The following DST variants were observed in gnomAD, a reference collection of about 807,000 sequenced individuals.
The protein encoded by DST is bullous pemphigoid antigen.
DST carries 253 observed loss-of-function variants against 875.2 expected under a neutral mutation model. The ratio of observed to expected loss-of-function variants is 0.29; its 90% CI spans 0.26 to 0.32. The LOEUF (loss-of-function observed/expected upper bound fraction) is 0.32. Ranked by LOEUF, DST falls within the 10% of genes least tolerant of loss-of-function variation. The pLI is 1.00. For synonymous variants in DST, 3,124 were observed against 3,197.1 expected (o/e 0.98, Z 0.77); for missense variants, 8,287 against 9,111.6 (o/e 0.91, Z 3.68).
chr6:56,830,759 T>C (rs2099786002), intron 4 of DST, among the ~76,000 whole-genome samples: 1 of 152,226 alleles, frequency 6.6e-6, no homozygotes, highest in Non-Finnish European at 1.5e-5. Context: ...AGGTAAGCCA[T>C]ACTTCTTCCT....
At chr6:56,696,858 A>G (rs1323010525) in intron 9 of DST, among the ~76,000 whole-genome samples, 1 of 152,130 alleles carries the variant, frequency 6.6e-6, no homozygotes, top group Non-Finnish European at 1.5e-5. Context: ...CCTCAGCAGA[A>G]TCTTTTCCCG....
At chr6:56,540,533 C>T (rs566618002) in intron 61 of DST, 1 of 152,766 alleles carries the variant, frequency 6.5e-6, no homozygotes, top group East Asian at 1.9e-4. Context: ...ATCACTCTCC[C>T]CTAGATCTGT....
At chr6:56,741,487 A>T (rs1218510277) in intron 4 of DST, among the ~76,000 whole-genome samples, 1 of 152,220 alleles carries the variant, frequency 6.6e-6, no homozygotes, top group Non-Finnish European at 1.5e-5. Context: ...AGGCTTCCAC[A>T]ATGCTACAGG....
intron 4 of DST, among the ~76,000 whole-genome samples, chr6:56,778,542 C>G (rs2099684615): frequency 1.7e-5 from 2 of 115,316 alleles, no homozygotes. Context: ...CCTCCCCCCA[C>G]CCCACAACAG....
intron 15 of DST, among the ~76,000 whole-genome samples, chr6:56,644,066 T>C (rs1376988245): frequency 6.6e-6 from 1 of 152,198 alleles, no homozygotes; most frequent in East Asian, 1.9e-4. Flanking sequence ...TAATTTAAAA[T>C]TGAGTGGCTT....
chr6:56,828,148 T>TGA (rs1215918502), intron 4 of DST, among the ~76,000 whole-genome samples: 1 of 151,850 alleles, frequency 6.6e-6, no homozygotes, highest in African/African-American at 2.4e-5. Flanking sequence ...TGGGGAGGGG[T>TGA]GATGGCTGAG....
chr6:56,936,082 T>C (rs565319857), intron 2 of DST, among the ~76,000 whole-genome samples: 1 of 152,338 alleles, frequency 6.6e-6, no homozygotes, highest in South Asian at 2.1e-4. Flanking sequence ...GAGTTATATG[T>C]AGCAATACAC....
chr6:56,683,472 C>T lies in DST; in HGVS notation c.1048-12665G>A, dbSNP rs922544424. 3.3e-5 allele frequency among the ~76,000 whole-genome samples: 5 copies of T among 152,288 alleles called. No individual in the cohort carries two copies. In the South Asian group the frequency reaches 1.0e-3, roughly 32 times the overall value. Reference sequence around the variant, plus strand: ...CCTCTTCTCTCCTATGATCAAATCACATTAATATCAAGTTATATGAACCAT... The same window carrying T: ...CCTCTTCTCTCCTATGATCAAATCATATTAATATCAAGTTATATGAACCAT... On this transcript the variant is annotated intron_variant, in intron 9 of 103. Coordinates refer to ENST00000680361, the MANE Select transcript of DST (RefSeq NM_001374736.1).
intron 4 of DST, among the ~76,000 whole-genome samples, chr6:56,825,034 A>G (rs1591257279): frequency 3.3e-5 from 5 of 152,204 alleles, no homozygotes; most frequent in Non-Finnish European, 2.9e-5. Context: ...CATGATGACA[A>G]TGGCGGTTTT....
intron 9 of DST, among the ~76,000 whole-genome samples, chr6:56,689,346 T>C (rs1304098248): frequency 6.6e-6 from 1 of 152,194 alleles, no homozygotes; most frequent in African/African-American, 2.4e-5. Context: ...AGAACTTCGA[T>C]CTTCTGCCTG....
chr6:56,832,677 T>C (rs1302312232), intron 4 of DST, among the ~76,000 whole-genome samples: 1 of 152,190 alleles, frequency 6.6e-6, no homozygotes, highest in Non-Finnish European at 1.5e-5. Flanking sequence ...AAATTCATAT[T>C]ATATGCAAAA....
chr6:56,774,097 G>T (rs1045361453), intron 4 of DST, among the ~76,000 whole-genome samples: 55 of 141,796 alleles, frequency 3.9e-4, no homozygotes, highest in African/African-American at 1.5e-3. Context: ...CTGGGCAACA[G>T]AGTGAGATTC....
intron 5 of DST, among the ~76,000 whole-genome samples, chr6:56,722,050 T>A (rs2099418784): frequency 6.6e-6 from 1 of 152,144 alleles, no homozygotes; most frequent in Non-Finnish European, 1.5e-5. Context: ...TGGTACAAAA[T>A]ATTCTTCTTC....
chr6:56,930,720 C>T (rs1809738806), intron 2 of DST, among the ~76,000 whole-genome samples: 1 of 152,126 alleles, frequency 6.6e-6, no homozygotes, highest in Non-Finnish European at 1.5e-5. Context: ...CCAGCATTAT[C>T]AGTAATTTTT....
intron 85 of DST, among the ~76,000 whole-genome samples, chr6:56,491,009 A>G (rs1162256730): frequency 6.6e-6 from 1 of 152,242 alleles, no homozygotes; most frequent in Non-Finnish European, 1.5e-5. Flanking sequence ...ACTGATGTTC[A>G]TAACTCAAGA....
intron 61 of DST, among the ~76,000 whole-genome samples, chr6:56,544,209 A>C (rs780814825): frequency 2.6e-5 from 4 of 152,206 alleles, no homozygotes; most frequent in Admixed American, 6.5e-5. Flanking sequence ...AGAGGCCAAG[A>C]GTCTTACTCC....
At chr6:56,526,162 T>C (rs931679556) in intron 69 of DST, among the ~76,000 whole-genome samples, 199 bp downstream of exon 69, 1 of 152,216 alleles carries the variant, frequency 6.6e-6, no homozygotes, top group Non-Finnish European at 1.5e-5. Flanking sequence ...CAGATGGCTG[T>C]GAACAATGTG....
At chr6:56,909,848 T>C (rs1437519346) in intron 2 of DST, among the ~76,000 whole-genome samples, 1 of 152,208 alleles carries the variant, frequency 6.6e-6, no homozygotes, top group Non-Finnish European at 1.5e-5. Context: ...AATAATACTG[T>C]ATCCCATCGT....
intron 2 of DST, among the ~76,000 whole-genome samples, chr6:56,908,714 G>C (rs550576274): frequency 6.6e-6 from 1 of 152,140 alleles, no homozygotes; most frequent in Non-Finnish European, 1.5e-5. Context: ...CACAAGATAC[G>C]GGTCGTAAAG....
Sources: allele counts gnomAD v4.1 joint callset (sites outside exome capture counted in the v4.1 genomes callset), GRCh38; gene constraint gnomAD v4.1.1; transcripts MANE v1.5; gene names NCBI Gene and HGNC (gene_info 2026-07-23, HGNC 2026-07-21).